The following NTM variants were observed in gnomAD, a reference collection of about 807,000 sequenced individuals.
NTM encodes IgLON family member 2.
NTM carries 13 observed loss-of-function variants against 42.1 expected under a neutral mutation model. That is an observed-to-expected ratio of 0.31 (90% CI 0.20 to 0.49). NTM has a LOEUF of 0.49. Ranked by LOEUF, NTM falls within the 20% of genes least tolerant of loss-of-function variation. The probability of loss-of-function intolerance (pLI) is 0.99; values close to 1 mark genes in which losing one functional copy is unlikely to be tolerated. For missense variants in NTM, 373 were observed against 452.8 expected (o/e 0.82, Z 1.60); for synonymous variants, 187 against 179.2 (o/e 1.04, Z -0.35).
chr11:131,583,267 A>G (rs2058575238), intron 1 of NTM, among the ~76,000 whole-genome samples: 1 of 152,178 alleles, frequency 6.6e-6, no homozygotes, highest in Admixed American at 6.5e-5. Flanking sequence ...CACTCATTTC[A>G]GAGAAATCCG....
chr11:131,632,864 G>A (rs1047530636), intron 1 of NTM, among the ~76,000 whole-genome samples: 1 of 148,152 alleles, frequency 6.7e-6, no homozygotes, highest in Admixed American at 6.6e-5. Flanking sequence ...TAGTAGAGAC[G>A]GGGTTTCACC....
intron 1 of NTM, among the ~76,000 whole-genome samples, chr11:131,886,343 G>A (rs1254818629): frequency 6.6e-6 from 1 of 152,196 alleles, no homozygotes; most frequent in Non-Finnish European, 1.5e-5. Context: ...TAATTCCTGT[G>A]GCTTCATCCT....
At chr11:131,655,965 C>T (rs552770912) in intron 1 of NTM, among the ~76,000 whole-genome samples, 1 of 152,300 alleles carries the variant, frequency 6.6e-6, no homozygotes, top group East Asian at 1.9e-4. Context: ...GGGAGGACCT[C>T]CTCCCTCAGC....
chr11:132,239,246 A>G (rs2089715300), intron 4 of NTM, among the ~76,000 whole-genome samples: 5 of 152,188 alleles, frequency 3.3e-5, no homozygotes, highest in Admixed American at 3.3e-4. Context: ...CTTGGAATCC[A>G]ATCTAATGTT....
intron 2 of NTM, among the ~76,000 whole-genome samples, chr11:132,006,464 C>T (rs1202364624): frequency 1.3e-5 from 2 of 152,168 alleles, no homozygotes; most frequent in East Asian, 1.9e-4. Flanking sequence ...AAGGCAGCCT[C>T]TTTTTGAAAT....
chr11:131,504,943 A>G (rs2047302700), intron 1 of NTM, among the ~76,000 whole-genome samples: 1 of 151,952 alleles, frequency 6.6e-6, no homozygotes, highest in Non-Finnish European at 1.5e-5. Context: ...GAATCAACAC[A>G]CCCTCTCCTC....
At chr11:132,109,771 G>A (rs1426067004) in intron 2 of NTM, among the ~76,000 whole-genome samples, 1 of 152,134 alleles carries the variant, frequency 6.6e-6, no homozygotes, top group Non-Finnish European at 1.5e-5. Flanking sequence ...TACCCAATGT[G>A]TAGTCTTTTA....
At chr11:131,641,925 C>G (rs1222798352) in intron 1 of NTM, among the ~76,000 whole-genome samples, 1 of 152,066 alleles carries the variant, frequency 6.6e-6, no homozygotes, top group African/African-American at 2.4e-5. Flanking sequence ...TGGGGTTTCA[C>G]CATGTTGGCG....
At position 132,320,999 on chromosome 11, in the gene NTM, G is replaced by C. The variant is rs546429745; in HGVS notation, c.934+6296G>C. 8.6e-5 allele frequency among the ~76,000 whole-genome samples: 13 copies of C among 150,482 alleles called. 1 individual carries two copies. In the South Asian group the frequency reaches 2.7e-3, roughly 31 times the overall value. Reference sequence around the variant, plus strand: ...TAGAAGGAAAACTAACAAACAGAAAGGACATCCACACCAAAAACCCATCTG... The same window carrying C: ...TAGAAGGAAAACTAACAAACAGAAACGACATCCACACCAAAAACCCATCTG... On this transcript the variant is annotated intron_variant, in intron 7 of 8. Transcript: ENST00000683400.
chr11:131,972,986 A>C (rs1314143874), intron 2 of NTM, among the ~76,000 whole-genome samples: 1 of 152,194 alleles, frequency 6.6e-6, no homozygotes, highest in Non-Finnish European at 1.5e-5. Flanking sequence ...AATCAAGCAG[A>C]CCAACAAAAA....
At chr11:131,495,073 A>G (rs1056145013) in intron 1 of NTM, among the ~76,000 whole-genome samples, 1 of 152,214 alleles carries the variant, frequency 6.6e-6, no homozygotes, top group Non-Finnish European at 1.5e-5. Flanking sequence ...AAATTTAAAA[A>G]CATGAGGGAA....
chr11:131,380,366 C>G (rs1324930049), intron 1 of NTM, among the ~76,000 whole-genome samples: 1 of 152,018 alleles, frequency 6.6e-6, no homozygotes, highest in Non-Finnish European at 1.5e-5. Flanking sequence ...TGCCACCATG[C>G]CCAGCTAATT....
chr11:131,659,446 C>T (rs1272505352), intron 1 of NTM, among the ~76,000 whole-genome samples: 1 of 152,142 alleles, frequency 6.6e-6, no homozygotes, highest in African/African-American at 2.4e-5. Flanking sequence ...GTATGCTGAG[C>T]CCTCAGCCCA....
chr11:131,587,053 C>T (rs1016730772), intron 1 of NTM, among the ~76,000 whole-genome samples: 1 of 152,190 alleles, frequency 6.6e-6, no homozygotes, highest in African/African-American at 2.4e-5. Context: ...GTACTAACTA[C>T]ACCCAGTCAT....
At chr11:131,675,451 G>T (rs545955028) in intron 1 of NTM, among the ~76,000 whole-genome samples, 1 of 152,126 alleles carries the variant, frequency 6.6e-6, no homozygotes, top group Non-Finnish European at 1.5e-5. Flanking sequence ...AATGGTGGCC[G>T]CATTAATTAA....
chr11:131,942,033 T>G (rs1288591184), intron 2 of NTM, among the ~76,000 whole-genome samples: 1 of 152,198 alleles, frequency 6.6e-6, no homozygotes, highest in African/African-American at 2.4e-5. Context: ...TGATTATCCA[T>G]TTAATGCCAG....
At chr11:131,690,751 C>T (rs1340894434) in intron 1 of NTM, among the ~76,000 whole-genome samples, 2 of 152,204 alleles carry the variant, frequency 1.3e-5, no homozygotes, top group Non-Finnish European at 2.9e-5. Context: ...GGCCCACATC[C>T]TTGGGGAACA....
At chr11:131,553,925 C>G (rs1056881247) in intron 1 of NTM, among the ~76,000 whole-genome samples, 2 of 152,194 alleles carry the variant, frequency 1.3e-5, no homozygotes, top group Non-Finnish European at 2.9e-5. Context: ...CCACTTGATA[C>G]CTCAAGCCCT....
In NTM at chr11:131,449,696, G is replaced by A. The variant is rs116090205; in HGVS notation, c.82+78808G>A. On this transcript the variant is annotated intron_variant, in intron 1 of 8. Coordinates refer to ENST00000683400, the MANE Select transcript of NTM (RefSeq NM_001352005.2). ...CCACCAGCTGGCCCTTCAGAGAAGCGTGTGTGTGTCCAGAAGCATGGAGGC... is the reference window on the plus strand; with the variant it reads ...CCACCAGCTGGCCCTTCAGAGAAGCATGTGTGTGTCCAGAAGCATGGAGGC... Among the ~76,000 whole-genome samples, 1,302 of 152,252 alleles carry A rather than the reference G, an allele frequency of 8.6e-3. 24 individuals are homozygous for A. Among genetic ancestry groups the A allele is most frequent in the African/African-American group, 0.03 (1,241 of 41,540 alleles).
Sources: allele counts gnomAD v4.1 joint callset (sites outside exome capture counted in the v4.1 genomes callset), GRCh38; gene constraint gnomAD v4.1.1; transcripts MANE v1.5; gene names NCBI Gene and HGNC (gene_info 2026-07-23, HGNC 2026-07-21).